C1QL3: variants seen among roughly 807,000 people sequenced by gnomAD.
C1QL3 encodes the protein complement C1q like 3.
In C1QL3, 4 loss-of-function variants were observed where a neutral mutation model predicts 16.6. The ratio of observed to expected loss-of-function variants is 0.24; its 90% CI spans 0.12 to 0.55. The LOEUF (loss-of-function observed/expected upper bound fraction) is 0.55. Ranked by LOEUF, C1QL3 falls within the 20% of genes least tolerant of loss-of-function variation. The probability of loss-of-function intolerance (pLI) is 0.94; values close to 1 mark genes in which losing one functional copy is unlikely to be tolerated. For synonymous variants in C1QL3, 189 were observed against 160.2 expected, an observed-to-expected ratio of 1.18 and a Z score of -1.36; for missense variants, 269 against 365.6, an observed-to-expected ratio of 0.74 and a Z score of 2.16.
In C1QL3 at chr10:16,520,415, T is replaced by C. The variant is rs1213301364; in HGVS notation, c.588+63A>G. 7.8e-6 allele frequency: 10 copies of C among 1,276,842 alleles called. No individual in the cohort carries two copies. In the East Asian group the frequency reaches 2.6e-4, roughly 33 times the overall value. 79.1% of individuals were successfully genotyped at this position (1,276,842 alleles called of 1,614,324 possible). A position where few individuals can be genotyped will look rare whatever the true frequency, so the allele number is the denominator to read the frequency against. ...TCCCACCCCCATTTCCGGGGTCTCCTCCCTCTCGCCCGCACCTTCCCGCGC... is the reference window on the plus strand; with the variant it reads ...TCCCACCCCCATTTCCGGGGTCTCCCCCCTCTCGCCCGCACCTTCCCGCGC... On this transcript the variant is annotated intron_variant, in intron 1 of 1. Coordinates refer to ENST00000298943, the MANE Select transcript of C1QL3 (RefSeq NM_001010908.2). The surrounding 1 kb of genome is among the most constrained non-coding windows in gnomAD (Gnocchi z 8.3).
chr10:16,518,683 T>A (rs1224009854), intron 1 of C1QL3, among the ~76,000 whole-genome samples: 2 of 152,226 alleles, frequency 1.3e-5, no homozygotes, highest in Non-Finnish European at 2.9e-5. Context: ...TATTTAAAGA[T>A]GTGAGCATTT....
intron 1 of C1QL3, among the ~76,000 whole-genome samples, chr10:16,517,240 A>G (rs1330523291): frequency 1.3e-5 from 2 of 152,186 alleles, no homozygotes; most frequent in Admixed American, 6.5e-5. Context: ...AACTATTTAG[A>G]TTCTGCTTTA....
rs1836915704 is a variant in C1QL3, at chr10:16,514,389, TCA to T, written c.*137_*138del. 1.5e-6 allele frequency: 1 copy of T among 660,998 alleles called. No individual in the cohort carries two copies. The highest frequency in any genetic ancestry group is 1.8e-5 in the African/African-American group (1 of 55,088). 40.9% of individuals were successfully genotyped at this position (660,998 alleles called of 1,614,324 possible). On this transcript the variant is annotated 3_prime_UTR_variant, in exon 2 of 2. Transcript: ENST00000298943. ...TGTTTCTGAGTGATACAGATGTGAG[TCA>T]GGTAGCATTTGATTTCCCCACATAT...
intron 1 of C1QL3, among the ~76,000 whole-genome samples, chr10:16,516,400 A>G (rs1836951454): frequency 6.6e-6 from 1 of 152,214 alleles, no homozygotes; most frequent in East Asian, 1.9e-4. Context: ...AAACAAATCT[A>G]CAAGAAGGAT....
chr10:16,514,546 A>G lies in C1QL3; in HGVS notation c.750T>C (p.Phe250=), dbSNP rs147489406. The G allele has an allele frequency of 4.3e-6, 7 of 1,613,448 alleles. No individual in the cohort carries two copies. Among genetic ancestry groups the G allele is most frequent in the Non-Finnish European group, 5.1e-6 (6 of 1,179,664 alleles). ...TGCATTATCAGTCAGCATAAATAATAAATCCAGAAAACGTGCTGTATTTGT... is the reference window on the plus strand; with the variant it reads ...TGCATTATCAGTCAGCATAAATAATGAATCCAGAAAACGTGCTGTATTTGT... The part of the protein sequence containing the change: ...NNNKYSTFSG[F]IIYAD The change falls in exon 2 of 2, where the codon TTT becomes TTC. Residue 250 remains phenylalanine (F), a synonymous_variant. Coordinates refer to ENST00000298943, the MANE Select transcript of C1QL3 (RefSeq NM_001010908.2).
chr10:16,518,207 A>G (rs1836983260), intron 1 of C1QL3, among the ~76,000 whole-genome samples: 1 of 152,244 alleles, frequency 6.6e-6, no homozygotes, highest in African/African-American at 2.4e-5. Flanking sequence ...AAGATTTCTC[A>G]TTTGTAACTG....
In C1QL3 at chr10:16,521,395, T is replaced by G; in HGVS notation, c.-330A>C. On this transcript the variant is annotated 5_prime_UTR_variant, in exon 1 of 2. Transcript: ENST00000298943. ...CGCCCCCCGCGAGCTCCTTCGCACCTGTGGCTGCAGCCGGCGCCGGCGCGG... is the reference window on the plus strand; with the variant it reads ...CGCCCCCCGCGAGCTCCTTCGCACCGGTGGCTGCAGCCGGCGCCGGCGCGG... The G allele has an allele frequency of 1.6e-5, 3 of 189,664 alleles. No individual in the cohort carries two copies. The highest frequency in any genetic ancestry group is 6.2e-5 in the Admixed American group (1 of 16,226). 11.7% of individuals were successfully genotyped at this position (189,664 alleles called of 1,614,324 possible). A position where few individuals can be genotyped will look rare whatever the true frequency, so the allele number is the denominator to read the frequency against.
At position 16,521,264 on chromosome 10, in the gene C1QL3, C is replaced by G; in HGVS notation, c.-199G>C. 1 of 537,974 alleles carries G rather than the reference C, an allele frequency of 1.9e-6. No homozygotes were observed. Among genetic ancestry groups the G allele is most frequent in the Non-Finnish European group, 3.2e-6 (1 of 310,358 alleles). The allele number at this position is 537,974 out of a possible 1,614,324, so 33.3% of individuals were successfully genotyped here. A position where few individuals can be genotyped will look rare whatever the true frequency, so the allele number is the denominator to read the frequency against. On this transcript the variant is annotated 5_prime_UTR_variant, in exon 1 of 2. Coordinates refer to ENST00000298943, the MANE Select transcript of C1QL3 (RefSeq NM_001010908.2). ...CCGGCCGCTGCTGCCGACTCCTGCT[C>G]CCCCCGCGGAGGCTGCGGCTGGGGA...
At chr10:16,518,589 C>A (rs964449945) in intron 1 of C1QL3, among the ~76,000 whole-genome samples, 4 of 152,206 alleles carry the variant, frequency 2.6e-5, no homozygotes, top group Non-Finnish European at 2.9e-5. Context: ...GTAATATACA[C>A]AGGCTCAGCA....
Position 16,513,925 on chromosome 10 carries a change from AG to A in C1QL3, c.*602del, listed in dbSNP as rs1836906952. The A allele has an allele frequency of 5.7e-6, 1 of 174,138 alleles. No homozygotes were observed. The highest frequency in any genetic ancestry group is 2.4e-5 in the African/African-American group (1 of 42,510). 10.8% of individuals were successfully genotyped at this position (174,138 alleles called of 1,614,324 possible). A position where few individuals can be genotyped will look rare whatever the true frequency, so the allele number is the denominator to read the frequency against. ...ATATAAGAAAAAGAAAATGTGAAAAAGATCATAGGCTTGGGAATTCCCTCAA... is the reference window on the plus strand; with the variant it reads ...ATATAAGAAAAAGAAAATGTGAAAAAATCATAGGCTTGGGAATTCCCTCAA... On this transcript the variant is annotated 3_prime_UTR_variant, in exon 2 of 2. Coordinates refer to ENST00000298943, the MANE Select transcript of C1QL3 (RefSeq NM_001010908.2).
In C1QL3 at chr10:16,521,114, C is replaced by T; in HGVS notation, c.-49G>A. 6.7e-7 allele frequency: 1 copy of T among 1,498,344 alleles called. No individual in the cohort carries two copies. Among genetic ancestry groups the T allele is most frequent in the Non-Finnish European group, 9.0e-7 (1 of 1,106,410 alleles). 92.8% of individuals were successfully genotyped at this position (1,498,344 alleles called of 1,614,324 possible). A position where few individuals can be genotyped will look rare whatever the true frequency, so the allele number is the denominator to read the frequency against. ...CGATCAGGCGCCTCCTGCTGCCCAC[C>T]AGCCGGCTCAGCGCGGGGCGATCCT... On this transcript the variant is annotated 5_prime_UTR_variant, in exon 1 of 2. Coordinates refer to ENST00000298943, the MANE Select transcript of C1QL3 (RefSeq NM_001010908.2).
chr10:16,518,940 T>C (rs955572629), intron 1 of C1QL3, among the ~76,000 whole-genome samples: 1 of 152,054 alleles, frequency 6.6e-6, no homozygotes, highest in Non-Finnish European at 1.5e-5. Flanking sequence ...TATAACTGTT[T>C]TACTGTTCTG....
At chr10:16,516,184 G>A (rs1270849262) in intron 1 of C1QL3, among the ~76,000 whole-genome samples, 1 of 152,084 alleles carries the variant, frequency 6.6e-6, no homozygotes, top group African/African-American at 2.4e-5. Flanking sequence ...GTACTAACAG[G>A]CACTAATATA....
rs200321471 is a variant in C1QL3, at chr10:16,520,571, G to A, written c.495C>T (p.Cys165=). 1,087 of 1,613,724 alleles carry A rather than the reference G, an allele frequency of 6.7e-4. 16 individuals carry two copies. The East Asian group carries it at 0.021, about 31-fold the overall frequency. Residue 165 remains cysteine (C), a synonymous_variant, in exon 1 of 2, where the codon TGC becomes TGT. Coordinates refer to ENST00000298943, the MANE Select transcript of C1QL3 (RefSeq NM_001010908.2). The surrounding 1 kb of genome is among the most constrained non-coding windows in gnomAD (Gnocchi z 8.3). ...HYDPTTGKFT[C]SIPGIYFFTY... Reference sequence around the variant, plus strand: ...TGAAGAAGTAGATGCCCGGGATGGAGCAGGTGAACTTGCCGGTGGTGGGGT... The same window carrying A: ...TGAAGAAGTAGATGCCCGGGATGGAACAGGTGAACTTGCCGGTGGTGGGGT...
rs1837017826 is a variant in C1QL3 at position 16,520,207 on chromosome 10, C to A, written c.588+271G>T. Among the ~76,000 whole-genome samples, 1 of 152,150 alleles carries A rather than the reference C, an allele frequency of 6.6e-6. No homozygotes were observed. Among genetic ancestry groups the A allele is most frequent in the South Asian group, 2.1e-4 (1 of 4,832 alleles). ...CCCCGGGACCCAGCTCCCGGCTTCCCGCCCCTCGAGGGTCGCGCTCGCAGG... is the reference window on the plus strand; with the variant it reads ...CCCCGGGACCCAGCTCCCGGCTTCCAGCCCCTCGAGGGTCGCGCTCGCAGG... On this transcript the variant is annotated intron_variant, in intron 1 of 1. Transcript: ENST00000298943. The surrounding 1 kb of genome is among the most constrained non-coding windows in gnomAD (Gnocchi z 8.3).
intron 1 of C1QL3, among the ~76,000 whole-genome samples, chr10:16,518,721 C>G (rs1327233508): frequency 6.6e-6 from 1 of 152,080 alleles, no homozygotes; most frequent in East Asian, 1.9e-4. Context: ...AAATTGGAAT[C>G]ATTTCATTTT....
In C1QL3 at chr10:16,514,516, G is replaced by T; in HGVS notation, c.*12C>A. ...GTTCAAACTCAGAATAATAAGCTTAGTTTCTGCATTATCAGTCAGCATAAA... is the reference window on the plus strand; with the variant it reads ...GTTCAAACTCAGAATAATAAGCTTATTTTCTGCATTATCAGTCAGCATAAA... On this transcript the variant is annotated 3_prime_UTR_variant, in exon 2 of 2. Coordinates refer to ENST00000298943, the MANE Select transcript of C1QL3 (RefSeq NM_001010908.2). The T allele has an allele frequency of 6.2e-7, 1 of 1,609,592 alleles. No individual in the cohort carries two copies. Among genetic ancestry groups the T allele is most frequent in the Non-Finnish European group, 8.5e-7 (1 of 1,176,748 alleles).
At position 16,520,563 on chromosome 10, in the gene C1QL3, G is replaced by T; in HGVS notation, c.503C>A (p.Pro168Gln). The T allele has an allele frequency of 6.2e-7, 1 of 1,613,344 alleles. No individual in the cohort carries two copies. The change falls in exon 1 of 2, where the codon CCG becomes CAG. Residue 168 changes from proline to glutamine, a missense_variant. Pro to Gln is a moderately conservative substitution (Grantham distance 76). Coordinates refer to ENST00000298943, the MANE Select transcript of C1QL3 (RefSeq NM_001010908.2). This position sits in a 1 kb window ranked among gnomAD's most constrained non-coding sequence, Gnocchi z 8.3. Reference sequence around the variant, plus strand: ...GTGGTAGGTGAAGAAGTAGATGCCCGGGATGGAGCAGGTGAACTTGCCGGT... The same window carrying T: ...GTGGTAGGTGAAGAAGTAGATGCCCTGGATGGAGCAGGTGAACTTGCCGGT... ...PTTGKFTCSI[P>Q]GIYFFTYHVL... is the part of the protein sequence containing the mutation.
At chr10:16,519,631 G>T (rs1349337939) in intron 1 of C1QL3, among the ~76,000 whole-genome samples, 3 of 152,064 alleles carry the variant, frequency 2.0e-5, no homozygotes, top group Non-Finnish European at 4.4e-5. Context: ...GGCGCCGACC[G>T]GCTCAGGGAA....
Sources: allele counts gnomAD v4.1 joint callset (sites outside exome capture counted in the v4.1 genomes callset), GRCh38; gene constraint gnomAD v4.1.1; non-coding constraint Gnocchi (gnomAD v3.1); transcripts MANE v1.5; gene names NCBI Gene and HGNC (gene_info 2026-07-23, HGNC 2026-07-21).